Variants in UNC119B observed in about 807,000 individuals in gnomAD.
UNC119B encodes unc-119 lipid binding chaperone B, also known as protein unc-119 homolog B.
In UNC119B, 16 loss-of-function variants were observed where a neutral mutation model predicts 23.4. The observed-to-expected ratio is 0.68, with a 90% CI of 0.46 to 1.04. UNC119B has a LOEUF of 1.04. Among genes scored for constraint, UNC119B ranks in the 50% least tolerant of loss-of-function variants. UNC119B has a pLI of 0.00. For missense variants in UNC119B, 350 were observed against 361.3 expected (o/e 0.97, Z 0.25); for synonymous variants, 144 against 145.4 (o/e 0.99, Z 0.07).
Position 120,716,612 on chromosome 12 carries a change from CTGTG to C in UNC119B, c.359-13_359-10del, listed in dbSNP as rs1566020110. On this transcript the variant is annotated splice_polypyrimidine_tract_variant and intron_variant, in intron 2 of 4. Coordinates refer to ENST00000344651, the MANE Select transcript of UNC119B (RefSeq NM_001080533.3). ...ATGTCGAGATGGTGCACTGAAGATT[CTGTG>C]TGCTCTTTCAGACCAGGAGGAGGAT... 1 of 1,613,652 alleles carries C rather than the reference CTGTG, an allele frequency of 6.2e-7. No homozygotes were observed. The highest frequency in any genetic ancestry group is 2.2e-5 in the East Asian group (1 of 44,876).
At chr12:120,715,054 G>T (rs934135421) in intron 2 of UNC119B, among the ~76,000 whole-genome samples, 1 of 152,142 alleles carries the variant, frequency 6.6e-6, no homozygotes, top group Admixed American at 6.5e-5. Context: ...AGCCAGGCGT[G>T]GTGGCACATG....
chr12:120,710,942 G>A, intron 1 of UNC119B: 1 of 360,790 alleles, frequency 2.8e-6, no homozygotes, highest in Non-Finnish European at 4.6e-6. Context: ...TGTGAGTCCG[G>A]CCACGCTAGG....
intron 2 of UNC119B, among the ~76,000 whole-genome samples, chr12:120,714,521 A>T (rs990121351): frequency 6.6e-6 from 1 of 151,932 alleles, no homozygotes; most frequent in Admixed American, 6.5e-5. Flanking sequence ...GGATTTCACC[A>T]TGTTGGTCAG....
At chr12:120,713,414 T>C in intron 2 of UNC119B, 27 bp downstream of exon 2, 1 of 1,549,296 alleles carries the variant, frequency 6.5e-7, no homozygotes, top group Non-Finnish European at 8.9e-7. Context: ...TGGTGACCAC[T>C]AGACAGTTTT....
chr12:120,716,533 G>T, intron 2 of UNC119B, 95 bp from the exon 3 acceptor site: 1 of 1,259,476 alleles, frequency 7.9e-7, no homozygotes, highest in Non-Finnish European at 1.2e-6. Context: ...TGTGGTTACT[G>T]GGATTGGTTG....
chr12:120,710,891 G>T, intron 1 of UNC119B, 173 bp downstream of exon 1: 1 of 539,248 alleles, frequency 1.9e-6, no homozygotes, highest in Non-Finnish European at 2.7e-6. Context: ...CGCTCACGTA[G>T]CTCTGGTGGG....
Position 120,710,619 on chromosome 12 carries a change from G to A in UNC119B, c.145G>A (p.Ala49Thr). 1.2e-5 allele frequency: 18 copies of A among 1,443,842 alleles called. No homozygotes were observed. The highest frequency in any genetic ancestry group is 1.6e-5 in the Non-Finnish European group (18 of 1,103,578). 89.4% of individuals were successfully genotyped at this position (1,443,842 alleles called of 1,614,324 possible). Residue 49 changes from alanine to threonine, a missense_variant, in exon 1 of 5, where the codon GCC (alanine) becomes ACC (threonine). By Grantham distance (58) the Ala-to-Thr change is moderately conservative (BLOSUM62 0). Coordinates refer to ENST00000344651, the MANE Select transcript of UNC119B (RefSeq NM_001080533.3). ...KARRQAPHHA[A>T]DDGVGAAVTE... ...GCGGCGGCAGGCGCCCCACCACGCG[G>A]CCGACGACGGCGTCGGGGCAGCGGT...
At chr12:120,711,809 C>T (rs1258661318) in intron 1 of UNC119B, 1 of 152,228 alleles carries the variant, frequency 6.6e-6, no homozygotes, top group African/African-American at 2.4e-5. Context: ...GGGGAGTAGG[C>T]CTTGGTCCAC....
At chr12:120,719,769 C>T (rs558934635) in intron 4 of UNC119B, 151 bp from the exon 5 acceptor site, 2 of 593,422 alleles carry the variant, frequency 3.4e-6, no homozygotes, top group East Asian at 2.9e-5. Flanking sequence ...GGCTGCCTCC[C>T]TCTGTTCTGA....
chr12:120,713,263 CTT>C lies in UNC119B; in HGVS notation c.245-10_245-9del, dbSNP rs1882705645. The C allele has an allele frequency of 2.7e-5, 16 of 596,764 alleles. No individual in the cohort carries two copies. The East Asian group carries it at 3.5e-4, about 13-fold the overall frequency. 37.0% of individuals were successfully genotyped at this position (596,764 alleles called of 1,614,324 possible). On this transcript the variant is annotated splice_polypyrimidine_tract_variant and intron_variant, in intron 1 of 4. Transcript: ENST00000344651. The stretch of plus-strand genomic sequence containing the variant: ...TATTTAACAGTGTTGGTTTCTCTCT[CTT>C]GTTTTCAGATTATTTATGTAAACCC...
At position 120,710,633 on chromosome 12, in the gene UNC119B, C is replaced by T; in HGVS notation, c.159C>T (p.Val53=). The change falls in exon 1 of 5, where the codon GTC becomes GTT. Residue 53 remains valine, a synonymous_variant. Coordinates refer to ENST00000344651, the MANE Select transcript of UNC119B (RefSeq NM_001080533.3). ...CCCACCACGCGGCCGACGACGGCGT[C>T]GGGGCAGCGGTCACGGAGCAGGAGC... The part of the protein sequence containing the change: ...QAPHHAADDG[V]GAAVTEQELL... 1 of 1,443,636 alleles carries T rather than the reference C, an allele frequency of 6.9e-7. No homozygotes were observed. Among genetic ancestry groups the T allele is most frequent in the East Asian group, 3.1e-5 (1 of 32,782 alleles). The allele number at this position is 1,443,636 out of a possible 1,614,324, so 89.4% of individuals were successfully genotyped here. A position where few individuals can be genotyped will look rare whatever the true frequency, so the allele number is the denominator to read the frequency against.
chr12:120,710,866 G>A, intron 1 of UNC119B, 148 bp downstream of exon 1: 1 of 744,182 alleles, frequency 1.3e-6, no homozygotes, highest in Non-Finnish European at 1.8e-6. Flanking sequence ...CGCCGGCCGG[G>A]CTTTGCTCCC....
chr12:120,717,033 G>A lies in UNC119B; in HGVS notation c.634G>A (p.Glu212Lys). 1 of 1,591,522 alleles carries A rather than the reference G, an allele frequency of 6.3e-7. No homozygotes were observed. The highest frequency in any genetic ancestry group is 8.6e-7 in the Non-Finnish European group (1 of 1,167,788). ...TATCTATGAGTTTCCCCAGCTTTCG[G>A]AGGATGTCAGTATGTATCCCCTGAC... ...EHIYEFPQLS[E>K]DVIRLMIENP... Residue 212 changes from glutamate to lysine, a missense_variant, in exon 4 of 5, where the codon GAG (glutamate) becomes AAG (lysine). Physicochemically the swap from Glu to Lys is moderately conservative, Grantham distance 56. Transcript: ENST00000344651.
chr12:120,710,676 A>C lies in UNC119B; in HGVS notation c.202A>C (p.Ile68Leu), dbSNP rs1473154994. 3.5e-6 allele frequency: 5 copies of C among 1,448,860 alleles called. No individual in the cohort carries two copies. The South Asian group carries it at 5.3e-5, about 15-fold the overall frequency. 89.8% of individuals were successfully genotyped at this position (1,448,860 alleles called of 1,614,324 possible). ...GCAGGAGCTGCTGGCGCTGGACACC[A>C]TCCGGCCCGAGCACGTCCTGCGCCT... ...TEQELLALDT[I>L]RPEHVLRLSR... Residue 68 changes from isoleucine to leucine, a missense_variant, in exon 1 of 5, where the codon ATC (isoleucine) becomes CTC (leucine). Coordinates refer to ENST00000344651, the MANE Select transcript of UNC119B (RefSeq NM_001080533.3).
At chr12:120,713,148 T>G in intron 1 of UNC119B, 126 bp from the exon 2 acceptor site, 1 of 674,676 alleles carries the variant, frequency 1.5e-6, no homozygotes, top group South Asian at 2.4e-5. Context: ...CATGAGAAAG[T>G]TTTTGGGAGT....
At chr12:120,717,714 C>T (rs1390380632) in intron 4 of UNC119B, among the ~76,000 whole-genome samples, 2 of 151,196 alleles carry the variant, frequency 1.3e-5, no homozygotes, top group Admixed American at 1.3e-4. Context: ...AGGCACCTGC[C>T]ACCATGCCCG....
At chr12:120,717,128 G>C in intron 4 of UNC119B, 86 bp downstream of exon 4, 1 of 1,366,716 alleles carries the variant, frequency 7.3e-7, no homozygotes, top group Non-Finnish European at 9.9e-7. Flanking sequence ...CAGCGCCCTG[G>C]CATTGTCTCG....
Position 120,717,060 on chromosome 12 carries a change from C to G in UNC119B, c.643+18C>G. ...GGATGTCAGTATGTATCCCCTGACC[C>G]TTACAGCACTCTAGATTCTGAGGGC... On this transcript the variant is annotated intron_variant, in intron 4 of 4. Transcript: ENST00000344651. 1 of 1,548,842 alleles carries G rather than the reference C, an allele frequency of 6.5e-7. No homozygotes were observed. The highest frequency in any genetic ancestry group is 8.7e-7 in the Non-Finnish European group (1 of 1,147,186).
At chr12:120,718,761 G>C (rs1882832038) in intron 4 of UNC119B, among the ~76,000 whole-genome samples, 2 of 152,202 alleles carry the variant, frequency 1.3e-5, no homozygotes, top group African/African-American at 4.8e-5. Context: ...TAGTTGCCTT[G>C]CTGGCATCAC....
Sources: gnomAD v4.1 joint callset for allele counts (sites outside exome capture counted in the v4.1 genomes callset) on GRCh38, gnomAD v4.1.1 for gene constraint, MANE v1.5 for transcripts, NCBI Gene and HGNC (gene_info 2026-07-23, HGNC 2026-07-21) for gene names.